VWA8: variants seen among roughly 807,000 people sequenced by gnomAD.
VWA8 encodes von Willebrand factor A domain-containing protein 8.
VWA8 carries 221 observed loss-of-function variants against 241.5 expected under a neutral mutation model. That is an observed-to-expected ratio of 0.91 (90% CI 0.82 to 1.02). The LOEUF (loss-of-function observed/expected upper bound fraction) is 1.02, where lower values mean the gene tolerates loss of function less well. VWA8 is among the 50% of genes least tolerant of loss of function. VWA8 has a pLI of 0.00. For synonymous variants in VWA8, 852 were observed against 827.1 expected, an observed-to-expected ratio of 1.03 and a Z score of -0.52; for missense variants, 2,322 against 2,328.7, an observed-to-expected ratio of 1.00 and a Z score of 0.06.
chr13:41,824,291 C>T (rs1158637459), intron 14 of VWA8, among the ~76,000 whole-genome samples: 1 of 151,770 alleles, frequency 6.6e-6, no homozygotes, highest in South Asian at 2.1e-4. Context: ...ACACTGTAGG[C>T]GATGGAAACC....
At chr13:41,824,551 G>C (rs113850322) in intron 14 of VWA8, among the ~76,000 whole-genome samples, 2 of 152,078 alleles carry the variant, frequency 1.3e-5, no homozygotes, top group African/African-American at 2.4e-5. Flanking sequence ...ATATTGGATG[G>C]GTGCAGTGTC....
At chr13:41,652,095 G>A (rs1593675282) in intron 37 of VWA8, among the ~76,000 whole-genome samples, 1 of 152,228 alleles carries the variant, frequency 6.6e-6, no homozygotes, top group Non-Finnish European at 1.5e-5. Flanking sequence ...CAGCTAGGTA[G>A]TGACTGCCTT....
At position 41,833,518 on chromosome 13, in the gene VWA8, C is replaced by G. The variant is rs369778717; in HGVS notation, c.1439G>C (p.Arg480Pro). ...GGTGTATCTCTGCTGTAGCAGATCA[C>G]GCGCTGTCATATCCTAAAACAAATC... Reference protein sequence around the residue: ...PIMLYQDMTARDLLQQRYTLP... With the variant: ...PIMLYQDMTAPDLLQQRYTLP... The change falls in exon 13 of 45, where the codon CGT becomes CCT. Residue 480 changes from arginine (R) to proline (P), a missense_variant. Arg to Pro is a moderately radical substitution (Grantham distance 103). Transcript: ENST00000379310. 5.0e-6 allele frequency: 8 copies of G among 1,608,280 alleles called. No homozygotes were observed. Among genetic ancestry groups the G allele is most frequent in the Non-Finnish European group, 6.8e-6 (8 of 1,177,932 alleles).
chr13:41,689,748 T>G (rs1054841071), intron 33 of VWA8, among the ~76,000 whole-genome samples: 1 of 152,140 alleles, frequency 6.6e-6, no homozygotes, highest in South Asian at 2.1e-4. Context: ...AATATTATAA[T>G]TAATAGCTCC....
intron 29 of VWA8, among the ~76,000 whole-genome samples, chr13:41,697,763 G>A (rs1420897044): frequency 6.6e-6 from 1 of 152,168 alleles, no homozygotes; most frequent in Non-Finnish European, 1.5e-5. Flanking sequence ...TAACAGGCCA[G>A]GAGCCAATAC....
chr13:41,772,953 A>T (rs2045835660), intron 20 of VWA8, among the ~76,000 whole-genome samples: 1 of 152,260 alleles, frequency 6.6e-6, no homozygotes, highest in African/African-American at 2.4e-5. Context: ...CACTGGTAAC[A>T]GAGCAGTCTT....
intron 26 of VWA8, among the ~76,000 whole-genome samples, chr13:41,708,222 G>T (rs936074285): frequency 6.6e-6 from 1 of 152,074 alleles, no homozygotes; most frequent in African/African-American, 2.4e-5. Context: ...TTAGCCAGGC[G>T]TGGTGGCGCA....
intron 29 of VWA8, among the ~76,000 whole-genome samples, chr13:41,693,569 T>G (rs1231306364): frequency 1.3e-5 from 2 of 152,070 alleles, no homozygotes; most frequent in African/African-American, 2.4e-5. Context: ...TCACCAAGCT[T>G]GAAGAACCTT....
At chr13:41,667,791 T>C (rs2044996416) in intron 37 of VWA8, among the ~76,000 whole-genome samples, 1 of 152,168 alleles carries the variant, frequency 6.6e-6, no homozygotes, top group African/African-American at 2.4e-5. Flanking sequence ...TTTCTGAAAA[T>C]ATGAAATCTA....
intron 14 of VWA8, among the ~76,000 whole-genome samples, chr13:41,825,269 C>T (rs770496147): frequency 6.6e-6 from 1 of 152,180 alleles, no homozygotes; most frequent in Admixed American, 6.5e-5. Context: ...AATACTTATA[C>T]TCGCCAAATC....
chr13:41,615,460 C>T (rs1447025410), intron 37 of VWA8, among the ~76,000 whole-genome samples: 4 of 152,112 alleles, frequency 2.6e-5, no homozygotes, highest in Non-Finnish European at 5.9e-5. Flanking sequence ...AGGATCACCA[C>T]CTAGCTGATC....
intron 40 of VWA8, among the ~76,000 whole-genome samples, chr13:41,591,618 A>T (rs2044455181): frequency 6.6e-6 from 1 of 151,850 alleles, no homozygotes; most frequent in Admixed American, 6.6e-5. Context: ...CAAATTTACA[A>T]GAAAAAAACA....
intron 17 of VWA8, 68 bp from the exon 18 acceptor site, chr13:41,787,611 C>CACACACACACAA: frequency 1.4e-6 from 1 of 704,554 alleles, no homozygotes; most frequent in Non-Finnish European, 2.5e-6. Context: ...CTTAAATACA[C>CACACACACACAA]ACACACACAC....
intron 2 of VWA8, among the ~76,000 whole-genome samples, chr13:41,938,000 A>C (rs1271837427): frequency 6.6e-6 from 1 of 151,842 alleles, no homozygotes; most frequent in African/African-American, 2.4e-5. Context: ...GACTATACTA[A>C]AAATACAAAA....
At chr13:41,880,905 G>A (rs916612609) in intron 9 of VWA8, among the ~76,000 whole-genome samples, 1 of 152,118 alleles carries the variant, frequency 6.6e-6, no homozygotes, top group African/African-American at 2.4e-5. Context: ...TCTCATAGAG[G>A]CTCCACCTGC....
intron 20 of VWA8, among the ~76,000 whole-genome samples, chr13:41,765,262 C>T (rs1335934687): frequency 6.6e-6 from 1 of 152,148 alleles, no homozygotes; most frequent in African/African-American, 2.4e-5. Flanking sequence ...CTGCTCCTTC[C>T]TCTCCAATTC....
chr13:41,727,268 G>A lies in VWA8; in HGVS notation c.2684C>T (p.Pro895Leu). 1 of 1,559,296 alleles carries A rather than the reference G, an allele frequency of 6.4e-7. No homozygotes were observed. Among genetic ancestry groups the A allele is most frequent in the East Asian group, 2.4e-5 (1 of 41,992 alleles). The change falls in exon 24 of 45, where the codon CCT becomes CTT. Residue 895 changes from proline to leucine, a missense_variant. Pro to Leu is a moderately conservative substitution (Grantham distance 98). Transcript: ENST00000379310. ...NGRENVVVIHPDFRMIVLANR... is the reference protein window; with the variant it reads ...NGRENVVVIHLDFRMIVLANR... ...TGCCAGAACAATCATCCTAAAATCAGGATGAATCACTACAACATTTTCTCT... is the reference window on the plus strand; with the variant it reads ...TGCCAGAACAATCATCCTAAAATCAAGATGAATCACTACAACATTTTCTCT...
intron 21 of VWA8, among the ~76,000 whole-genome samples, chr13:41,733,006 T>C (rs893549268): frequency 1.3e-5 from 2 of 152,234 alleles, no homozygotes; most frequent in African/African-American, 4.8e-5. Context: ...AAGTAGCGTC[T>C]TTGAAGAGTT....
intron 21 of VWA8, among the ~76,000 whole-genome samples, chr13:41,749,999 T>G (rs2045642843): frequency 6.6e-6 from 1 of 152,188 alleles, no homozygotes; most frequent in South Asian, 2.1e-4. Flanking sequence ...GTTGTGCACA[T>G]GTACCCTAAA....
Sources: allele counts gnomAD v4.1 joint callset (sites outside exome capture counted in the v4.1 genomes callset), GRCh38; gene constraint gnomAD v4.1.1; transcripts MANE v1.5; gene names NCBI Gene and HGNC (gene_info 2026-07-23, HGNC 2026-07-21).